The following SEMA4D variants were observed in gnomAD, a reference collection of about 807,000 sequenced individuals.
SEMA4D encodes semaphorin 4D, also known as semaphorin-4D.
SEMA4D carries 22 observed loss-of-function variants against 74.8 expected under a neutral mutation model. The ratio of observed to expected loss-of-function variants is 0.29; its 90% CI spans 0.21 to 0.42. SEMA4D has a LOEUF of 0.42. SEMA4D is among the 10% of genes least tolerant of loss of function. The pLI is 1.00. For synonymous variants in SEMA4D, 445 were observed against 463.7 expected (o/e 0.96, Z 0.52); for missense variants, 937 against 1,118.4 (o/e 0.84, Z 2.31).
Position 89,386,429 on chromosome 9 carries a change from C to T in SEMA4D, c.1384G>A (p.Glu462Lys), listed in dbSNP as rs139590784. 22 of 1,613,982 alleles carry T rather than the reference C, an allele frequency of 1.4e-5. No individual in the cohort carries two copies. Among genetic ancestry groups the T allele is most frequent in the Admixed American group, 1.7e-5 (1 of 60,002 alleles). Reference sequence around the variant, plus strand: ...AAGTCCTGGAAGAGCTGGGTCTCCTCGATGATGTGAACAGCGTGCTCGAGG... The same window carrying T: ...AAGTCCTGGAAGAGCTGGGTCTCCTTGATGATGTGAACAGCGTGCTCGAGG... ...ISLEHAVHII[E>K]ETQLFQDFEP... The change falls in exon 13 of 16, where the codon GAG (glutamate) becomes AAG (lysine). Residue 462 changes from glutamate (E) to lysine (K), a missense_variant. Coordinates refer to ENST00000422704, the MANE Select transcript of SEMA4D (RefSeq NM_001371194.2).
chr9:89,461,700 C>CTTTTTTTTTTTTT (rs61696689), intron 1 of SEMA4D, among the ~76,000 whole-genome samples: 11 of 103,642 alleles, frequency 1.1e-4, no homozygotes, highest in Admixed American at 3.2e-4. Context: ...TCTTTTTTCT[C>CTTTTTTTTTTTTT]TTTTTTTTTT....
chr9:89,460,600 C>T (rs376937933), intron 1 of SEMA4D, among the ~76,000 whole-genome samples: 19 of 152,332 alleles, frequency 1.2e-4, no homozygotes, highest in East Asian at 1.2e-3. Context: ...CATGTTTAAC[C>T]GAGGTTCCAC....
chr9:89,444,363 A>AC (rs1222975504), intron 2 of SEMA4D, among the ~76,000 whole-genome samples: 1 of 152,182 alleles, frequency 6.6e-6, no homozygotes, highest in Non-Finnish European at 1.5e-5. Flanking sequence ...ATCACGGCTC[A>AC]CAAAGCACGT....
At chr9:89,389,436 A>G (rs1839322570) in intron 9 of SEMA4D, among the ~76,000 whole-genome samples, 1 of 152,154 alleles carries the variant, frequency 6.6e-6, no homozygotes, top group Admixed American at 6.5e-5. Flanking sequence ...CCCATCAATG[A>G]ACATGCTCTG....
chr9:89,438,201 C>T (rs1486228384), intron 2 of SEMA4D, among the ~76,000 whole-genome samples: 4 of 152,314 alleles, frequency 2.6e-5, no homozygotes, highest in Admixed American at 2.6e-4. Flanking sequence ...TCCTGGGAGC[C>T]TTTTGTGGCC....
intron 4 of SEMA4D, among the ~76,000 whole-genome samples, chr9:89,400,710 G>A (rs1842019768): frequency 6.6e-6 from 1 of 152,186 alleles, no homozygotes; most frequent in Non-Finnish European, 1.5e-5. Context: ...TAAGGACAAG[G>A]GAACGTACAC....
chr9:89,458,676 CAG>C (rs1340433272), intron 1 of SEMA4D, among the ~76,000 whole-genome samples: 5 of 128,360 alleles, frequency 3.9e-5, no homozygotes, highest in Admixed American at 7.6e-5. Context: ...CACAAACCTA[CAG>C]AGACACACAT....
chr9:89,368,821 G>A (rs1834094206), intron 16 of SEMA4D: 1 of 152,288 alleles, frequency 6.6e-6, no homozygotes, highest in Non-Finnish European at 1.5e-5. Context: ...AATGTGGGCA[G>A]GAATCCTGAA....
intron 2 of SEMA4D, among the ~76,000 whole-genome samples, chr9:89,421,468 T>C (rs988119561): frequency 2.0e-5 from 3 of 152,226 alleles, no homozygotes. Context: ...CCAGAATCTC[T>C]GATCCAACAG....
rs1836981894 is a variant in SEMA4D at position 89,381,242 on chromosome 9, G to A, written c.1551C>T (p.Asp517=). The A allele has an allele frequency of 1.9e-6, 3 of 1,605,428 alleles. No individual in the cohort carries two copies. The highest frequency in any genetic ancestry group is 2.6e-6 in the Non-Finnish European group (3 of 1,173,602). Residue 517 remains aspartate (D), a synonymous_variant, in exon 14 of 16, where the codon GAC becomes GAT. Coordinates refer to ENST00000422704, the MANE Select transcript of SEMA4D (RefSeq NM_001371194.2). The surrounding 1 kb of genome is among the most constrained non-coding windows in gnomAD (Gnocchi z 4.6). ...TGGGCGGGCTCCAGGCGCAGTAGGGGTCCCGCGCCAGCACACAGTCCTCGC... is the reference window on the plus strand; with the variant it reads ...TGGGCGGGCTCCAGGCGCAGTAGGGATCCCGCGCCAGCACACAGTCCTCGC... ...GTCEDCVLAR[D]PYCAWSPPTA...
chr9:89,482,171 G>A (rs1465633667), intron 1 of SEMA4D, among the ~76,000 whole-genome samples: 1 of 152,200 alleles, frequency 6.6e-6, no homozygotes, highest in Non-Finnish European at 1.5e-5. Flanking sequence ...CAGAGCACTT[G>A]CAATGTCCAC....
chr9:89,380,126 C>A (rs936343887), intron 15 of SEMA4D, among the ~76,000 whole-genome samples: 2 of 152,100 alleles, frequency 1.3e-5, no homozygotes, highest in African/African-American at 4.8e-5. Flanking sequence ...TCAACCCCCC[C>A]AGCTCAAGGG....
chr9:89,477,903 G>C (rs1191443536), intron 1 of SEMA4D, among the ~76,000 whole-genome samples: 2 of 152,168 alleles, frequency 1.3e-5, no homozygotes, highest in Non-Finnish European at 2.9e-5. Flanking sequence ...CCAACAGAGA[G>C]AAAAACTCGC....
At chr9:89,393,974 A>G (rs770201695) in intron 6 of SEMA4D, among the ~76,000 whole-genome samples, 1 of 152,282 alleles carries the variant, frequency 6.6e-6, no homozygotes, top group Non-Finnish European at 1.5e-5. Flanking sequence ...CCACCAGGAT[A>G]AACCCAACAC....
intron 2 of SEMA4D, among the ~76,000 whole-genome samples, chr9:89,424,175 G>C (rs1847626930): frequency 6.6e-6 from 1 of 152,162 alleles, no homozygotes; most frequent in Admixed American, 6.5e-5. Context: ...CCCTGGGAGA[G>C]GGTAAGACAC....
In SEMA4D at chr9:89,378,860, C is replaced by G. The variant is rs151296792; in HGVS notation, c.2433G>C (p.Leu811=). The part of the protein sequence containing the change: ...QQNGEHPKPA[L]DTGYETEQDT... ...CTTGCTCGGTCTCATAGCCGGTGTC[C>G]AGGGCTGGCTTGGGGTGCTCCCCAT... Residue 811 remains leucine (L), a synonymous_variant, in exon 16 of 16, where the codon CTG becomes CTC. Transcript: ENST00000422704. The G allele has an allele frequency of 9.2e-5, 148 of 1,614,182 alleles. No individual in the cohort carries two copies. In the African/African-American group the frequency reaches 1.9e-3, roughly 20 times the overall value.
intron 5 of SEMA4D, 115 bp downstream of exon 5, chr9:89,399,161 G>C (rs1389638648): frequency 2.4e-6 from 2 of 846,060 alleles, no homozygotes; most frequent in African/African-American, 3.4e-5. Context: ...CCAGCAGAAT[G>C]AACAGAGCCT....
intron 13 of SEMA4D, among the ~76,000 whole-genome samples, chr9:89,383,167 G>A (rs1408453432): frequency 6.6e-6 from 1 of 152,188 alleles, no homozygotes; most frequent in African/African-American, 2.4e-5. Context: ...TCAGTGGGTG[G>A]GAGAACAGGG....
At position 89,480,325 on chromosome 9, in the gene SEMA4D, C is replaced by T. The variant is rs1280329520; in HGVS notation, c.-310+17594G>A. 6.6e-5 allele frequency among the ~76,000 whole-genome samples: 10 copies of T among 152,256 alleles called. No homozygotes were observed. The South Asian group carries it at 1.9e-3, about 28-fold the overall frequency. ...CTAGATATAAAGACTCTCCACGTCC[C>T]CACCAGACTCAGGAGCCCAGCTGGT... is the stretch of plus-strand genomic sequence containing the variant. On this transcript the variant is annotated intron_variant, in intron 1 of 15. Coordinates refer to ENST00000422704, the MANE Select transcript of SEMA4D (RefSeq NM_001371194.2).
Sources: gnomAD v4.1 joint callset for allele counts (sites outside exome capture counted in the v4.1 genomes callset) on GRCh38, gnomAD v4.1.1 for gene constraint, Gnocchi (gnomAD v3.1) non-coding constraint, MANE v1.5 for transcripts, NCBI Gene and HGNC (gene_info 2026-07-23, HGNC 2026-07-21) for gene names.